Variants in SYT16 observed in about 807,000 individuals in gnomAD.
SYT16 encodes the protein synaptotagmin-16.
SYT16 carries 42 observed loss-of-function variants against 61.4 expected under a neutral mutation model. That is an observed-to-expected ratio of 0.68 (90% CI 0.53 to 0.89). SYT16 has a LOEUF of 0.89. Ranked by LOEUF, SYT16 falls within the 40% of genes least tolerant of loss-of-function variation. The pLI is 0.00. For synonymous variants in SYT16, 314 were observed against 302.3 expected (o/e 1.04, Z -0.40); for missense variants, 804 against 807.3 (o/e 1.00, Z 0.05).
intron 1 of SYT16, among the ~76,000 whole-genome samples, chr14:61,915,165 G>A (rs76722387): frequency 0.018 from 2,739 of 152,130 alleles, 43 homozygotes; most frequent in Admixed American, 0.028. Context: ...GAGGATAGCC[G>A]GATGGTCAAC....
chr14:61,949,552 C>T (rs2050586128), intron 1 of SYT16, among the ~76,000 whole-genome samples: 1 of 152,150 alleles, frequency 6.6e-6, no homozygotes, highest in African/African-American at 2.4e-5. Context: ...AACTCCTGGG[C>T]TCAAAGTGAT....
intron 1 of SYT16, among the ~76,000 whole-genome samples, chr14:61,911,059 A>G (rs990371380): frequency 6.6e-5 from 10 of 152,202 alleles, no homozygotes; most frequent in Non-Finnish European, 1.3e-4. Context: ...TTTCTTGCCT[A>G]TTGACTGACT....
Position 61,872,780 on chromosome 14 carries a change from A to G in SYT16, c.-325+59970A>G, listed in dbSNP as rs143535546. 4.1e-3 allele frequency among the ~76,000 whole-genome samples: 628 copies of G among 152,302 alleles called. 2 individuals are homozygous for G. Among genetic ancestry groups the G allele is most frequent in the African/African-American group, 0.014 (600 of 41,552 alleles). ...GGTTCAGCTGCCCTCATCACAGCTC[A>G]TGGCTTCTCTTGTTTTATTCTCTTT... On this transcript the variant is annotated intron_variant, in intron 1 of 7. Coordinates refer to ENST00000683842, the MANE Select transcript of SYT16 (RefSeq NM_001367656.1).
chr14:61,891,270 A>ACACACG (rs1362672913), intron 1 of SYT16, among the ~76,000 whole-genome samples: 1 of 151,582 alleles, frequency 6.6e-6, no homozygotes, highest in Non-Finnish European at 1.5e-5. Flanking sequence ...ACACACACAC[A>ACACACG]CAATTTATCC....
At chr14:61,961,467 C>G (rs747524918) in intron 1 of SYT16, among the ~76,000 whole-genome samples, 1 of 152,072 alleles carries the variant, frequency 6.6e-6, no homozygotes, top group Non-Finnish European at 1.5e-5. Context: ...AGTACATGAA[C>G]AGACACTTTT....
intron 3 of SYT16, among the ~76,000 whole-genome samples, chr14:62,063,347 A>C (rs1191037874): frequency 6.6e-6 from 1 of 152,220 alleles, no homozygotes; most frequent in South Asian, 2.1e-4. Flanking sequence ...GCTGATGAAG[A>C]CGATGAATAT....
At chr14:61,930,173 A>G (rs747498631) in intron 1 of SYT16, among the ~76,000 whole-genome samples, 5 of 152,062 alleles carry the variant, frequency 3.3e-5, no homozygotes, top group African/African-American at 1.2e-4. Context: ...GATTCATACT[A>G]GAGCAGATGG....
At chr14:62,059,922 G>A (rs2055752976) in intron 3 of SYT16, among the ~76,000 whole-genome samples, 1 of 151,832 alleles carries the variant, frequency 6.6e-6, no homozygotes, top group South Asian at 2.1e-4. Context: ...AAAAATAATA[G>A]ACCATACTTG....
chr14:62,080,758 A>G, intron 5 of SYT16, 76 bp from the exon 6 acceptor site: 1 of 1,446,242 alleles, frequency 6.9e-7, no homozygotes, highest in South Asian at 1.3e-5. Context: ...GAAGGAGCAC[A>G]AAGGGGCACC....
At chr14:61,866,164 A>G (rs1423395039) in intron 1 of SYT16, among the ~76,000 whole-genome samples, 2 of 152,118 alleles carry the variant, frequency 1.3e-5, no homozygotes, top group South Asian at 2.1e-4. Context: ...AAAAAAAACT[A>G]TTATGAATAC....
chr14:61,852,097 T>C (rs2046636706), intron 1 of SYT16, among the ~76,000 whole-genome samples: 2 of 152,196 alleles, frequency 1.3e-5, no homozygotes, highest in South Asian at 4.1e-4. Flanking sequence ...TTTTTGTCTA[T>C]GGTTTAAGGA....
At chr14:61,913,704 T>TTTTGTGTG (rs1555356229) in intron 1 of SYT16, among the ~76,000 whole-genome samples, 1 of 145,758 alleles carries the variant, frequency 6.9e-6, no homozygotes, top group Non-Finnish European at 1.5e-5. Flanking sequence ...CTTTGGGTCT[T>TTTTGTGTG]TGTGTGTGTG....
intron 1 of SYT16, among the ~76,000 whole-genome samples, chr14:61,958,786 T>G (rs1251490458): frequency 2.6e-5 from 4 of 152,098 alleles, no homozygotes; most frequent in African/African-American, 9.7e-5. Context: ...GTAGTGTTAT[T>G]TAGTTCTGCT....
intron 4 of SYT16, among the ~76,000 whole-genome samples, chr14:62,073,728 T>A (rs1004824194): frequency 6.6e-6 from 1 of 151,596 alleles, no homozygotes; most frequent in Admixed American, 6.6e-5. Flanking sequence ...AAAATTTGAA[T>A]GCTTACTATA....
intron 3 of SYT16, among the ~76,000 whole-genome samples, chr14:62,052,254 G>A (rs1314280546): frequency 6.6e-6 from 1 of 152,058 alleles, no homozygotes; most frequent in East Asian, 1.9e-4. Flanking sequence ...CCCCACAAAT[G>A]TATGATATGT....
intron 3 of SYT16, among the ~76,000 whole-genome samples, chr14:62,030,749 A>G (rs976187950): frequency 2.6e-5 from 4 of 152,256 alleles, no homozygotes; most frequent in Non-Finnish European, 5.9e-5. Flanking sequence ...TCATTGATTG[A>G]ATTCAAGCAT....
At chr14:61,904,513 G>C (rs2048633254) in intron 1 of SYT16, among the ~76,000 whole-genome samples, 1 of 152,216 alleles carries the variant, frequency 6.6e-6, no homozygotes. Context: ...TTTACGAAGA[G>C]CTGTGAGTGC....
At chr14:62,016,782 G>A (rs1258515347) in intron 3 of SYT16, among the ~76,000 whole-genome samples, 2 of 152,042 alleles carry the variant, frequency 1.3e-5, no homozygotes, top group African/African-American at 4.8e-5. Context: ...TGATGCCTAA[G>A]TATGTTTTTA....
intron 1 of SYT16, among the ~76,000 whole-genome samples, chr14:61,889,800 C>T (rs897494134): frequency 7.2e-5 from 11 of 152,150 alleles, no homozygotes; most frequent in Non-Finnish European, 1.5e-4. Context: ...AAATAACTCT[C>T]TTTTCTTTAT....
Sources: gnomAD v4.1 joint callset for allele counts (sites outside exome capture counted in the v4.1 genomes callset) on GRCh38, gnomAD v4.1.1 for gene constraint, MANE v1.5 for transcripts, NCBI Gene and HGNC (gene_info 2026-07-23, HGNC 2026-07-21) for gene names.